UNC80: variants seen among roughly 807,000 people sequenced by gnomAD.
The protein encoded by UNC80 is unc-80 subunit of NALCN channel complex.
Under a neutral mutation model 384.6 loss-of-function variants are expected in UNC80, and 164 were observed. The ratio of observed to expected loss-of-function variants is 0.43; its 90% CI spans 0.38 to 0.49. The LOEUF is 0.49. UNC80 is among the 20% of genes least tolerant of loss of function. The pLI is 0.00. For synonymous variants in UNC80, 1,486 were observed against 1,527.8 expected, an observed-to-expected ratio of 0.97 and a Z score of 0.64; for missense variants, 3,330 against 4,143.0, an observed-to-expected ratio of 0.80 and a Z score of 5.39.
chr2:209,891,464 T>C (rs1201642018), intron 26 of UNC80, among the ~76,000 whole-genome samples: 1 of 152,152 alleles, frequency 6.6e-6, no homozygotes, highest in Non-Finnish European at 1.5e-5. Context: ...TTATTCAAAG[T>C]TATTATGCTA....
At position 209,839,182 on chromosome 2, in the gene UNC80, T is replaced by A. The variant is rs753374373; in HGVS notation, c.3042-40T>A. The A allele has an allele frequency of 6.6e-7, 1 of 1,516,204 alleles. No homozygotes were observed. Among genetic ancestry groups the A allele is most frequent in the Admixed American group, 2.0e-5 (1 of 49,620 alleles). The allele number at this position is 1,516,204 out of a possible 1,614,324, so 93.9% of individuals were successfully genotyped here. A position where few individuals can be genotyped will look rare whatever the true frequency, so the allele number is the denominator to read the frequency against. ...AAGAAATTTAGGAGAATTTCTCAAG[T>A]GTTGTCAGAAGTTTAACCCTATCCT... On this transcript the variant is annotated intron_variant, in intron 18 of 64. Transcript: ENST00000673920. The surrounding 1 kb of genome is among the most constrained non-coding windows in gnomAD (Gnocchi z 4.1).
At position 209,970,927 on chromosome 2, in the gene UNC80, T is replaced by C. The variant is rs1406351624; in HGVS notation, c.8226T>C (p.Ala2742=). ...CACCACCTCTGCCCTTCAGCACAGC[T>C]GTTGTCCGGCTTGTAGCATTGCAGA... ...YLSPPLPFST[A]VVRLVALQIQ... is the part of the protein sequence containing the mutation. Residue 2742 remains alanine (A), a synonymous_variant, in exon 54 of 65, where the codon GCT becomes GCC. Transcript: ENST00000673920. 7 of 1,552,014 alleles carry C rather than the reference T, an allele frequency of 4.5e-6. No individual in the cohort carries two copies. The highest frequency in any genetic ancestry group is 5.2e-6 in the Non-Finnish European group (6 of 1,147,028).
At chr2:209,832,911 G>A (rs1216161460) in intron 16 of UNC80, among the ~76,000 whole-genome samples, 2 of 152,190 alleles carry the variant, frequency 1.3e-5, no homozygotes, top group Admixed American at 6.5e-5. Flanking sequence ...GTCTTAGGAA[G>A]CATCTAGAGC....
intron 7 of UNC80, chr2:209,809,516 C>A (rs1176315912): frequency 8.9e-7 from 1 of 1,119,378 alleles, no homozygotes; most frequent in Non-Finnish European, 1.4e-6. Context: ...TGCGCTCGAA[C>A]CTTCTCCCGA....
chr2:209,801,644 G>C (rs945114881), intron 7 of UNC80, among the ~76,000 whole-genome samples: 2 of 145,188 alleles, frequency 1.4e-5, no homozygotes, highest in African/African-American at 5.1e-5. Context: ...GCCTCCCAAA[G>C]TGCTGGGATT....
chr2:209,898,037 T>A (rs1294419199), intron 28 of UNC80, among the ~76,000 whole-genome samples: 2 of 152,176 alleles, frequency 1.3e-5, no homozygotes, highest in African/African-American at 2.4e-5. Flanking sequence ...TCTGTTAAGA[T>A]CATTTTAAAT....
chr2:209,868,213 A>G (rs2083997765), intron 22 of UNC80, among the ~76,000 whole-genome samples: 1 of 152,166 alleles, frequency 6.6e-6, no homozygotes, highest in Non-Finnish European at 1.5e-5. Flanking sequence ...GCCTACTAAG[A>G]CCCCAAATAA....
Position 209,976,373 on chromosome 2 carries a change from AATAT to A in UNC80, c.8772+71_8772+74del. ...ATGTGTGGCTCTCTACTGAGGCAGGAATATGGCAGGAGTGCTCATGGTACCTACT... is the reference window on the plus strand; with the variant it reads ...ATGTGTGGCTCTCTACTGAGGCAGGAGGCAGGAGTGCTCATGGTACCTACT... On this transcript the variant is annotated intron_variant, in intron 57 of 64. Coordinates refer to ENST00000673920, the MANE Select transcript of UNC80 (RefSeq NM_001371986.1). This position sits in a 1 kb window ranked among gnomAD's most constrained non-coding sequence, Gnocchi z 4.3. The A allele has an allele frequency of 6.5e-7, 1 of 1,543,274 alleles. No homozygotes were observed. Among genetic ancestry groups the A allele is most frequent in the Non-Finnish European group, 8.8e-7 (1 of 1,140,392 alleles).
chr2:209,878,468 G>T (rs1395615514), intron 24 of UNC80, among the ~76,000 whole-genome samples: 1 of 151,896 alleles, frequency 6.6e-6, no homozygotes, highest in Non-Finnish European at 1.5e-5. Context: ...TATTGCTCCA[G>T]GAAACAAAAT....
chr2:209,977,943 C>T (rs1420497507), intron 58 of UNC80, among the ~76,000 whole-genome samples: 1 of 152,086 alleles, frequency 6.6e-6, no homozygotes, highest in Non-Finnish European at 1.5e-5. Context: ...TCTTTGCAGA[C>T]AATGTGGTAA....
intron 25 of UNC80, among the ~76,000 whole-genome samples, chr2:209,882,178 G>A (rs902823708): frequency 2.0e-5 from 3 of 151,890 alleles, no homozygotes; most frequent in African/African-American, 7.3e-5. Context: ...ATGTTAGCCG[G>A]GATGGTCTCG....
chr2:209,823,703 AG>A (rs1335589153), intron 13 of UNC80, among the ~76,000 whole-genome samples: 1 of 151,798 alleles, frequency 6.6e-6, no homozygotes, highest in East Asian at 1.9e-4. Context: ...AATAATAATT[AG>A]TTTTTCTATT....
rs75369307 is a variant in UNC80 at position 209,959,904 on chromosome 2, G to A, written c.7805+197G>A. Among the ~76,000 whole-genome samples, 53 of 152,292 alleles carry A rather than the reference G, an allele frequency of 3.5e-4. 1 individual carries two copies. The East Asian group carries it at 9.2e-3, about 27-fold the overall frequency. On this transcript the variant is annotated intron_variant, in intron 51 of 64. Coordinates refer to ENST00000673920, the MANE Select transcript of UNC80 (RefSeq NM_001371986.1). The stretch of plus-strand genomic sequence containing the variant: ...TAAGTCCATCAAACAGGATCTTAGC[G>A]TGGACAAGGGGAAAATGTTCTTAAG...
chr2:209,822,311 G>C (rs1384365218), intron 13 of UNC80, among the ~76,000 whole-genome samples: 1 of 152,158 alleles, frequency 6.6e-6, no homozygotes, highest in Admixed American at 6.5e-5. Flanking sequence ...GACTGTAAAT[G>C]AAAATTATCT....
intron 58 of UNC80, among the ~76,000 whole-genome samples, chr2:209,977,760 A>G (rs758609158): frequency 6.6e-6 from 1 of 152,198 alleles, no homozygotes; most frequent in Non-Finnish European, 1.5e-5. Context: ...TTGAGAGTAC[A>G]TTGCTTTCTT....
chr2:209,926,720 G>A, intron 35 of UNC80, 123 bp from the exon 36 acceptor site: 1 of 1,220,060 alleles, frequency 8.2e-7, no homozygotes, highest in Non-Finnish European at 1.1e-6. Context: ...AGGCTGCAGT[G>A]AGCAGTGATC....
rs1575125329 is a variant in UNC80 at position 209,953,024 on chromosome 2, T to C, written c.7287-1076T>C. On this transcript the variant is annotated intron_variant, in intron 47 of 64. Coordinates refer to ENST00000673920, the MANE Select transcript of UNC80 (RefSeq NM_001371986.1). ...TGGTATCTGTAAGAAAAAGAATAGATCAAAGAAAATCTTGATTTCAGATTC... is the reference window on the plus strand; with the variant it reads ...TGGTATCTGTAAGAAAAAGAATAGACCAAAGAAAATCTTGATTTCAGATTC... Among the ~76,000 whole-genome samples the C allele has an allele frequency of 4.6e-5, 7 of 152,220 alleles. No homozygotes were observed. In the South Asian group the frequency reaches 1.5e-3, roughly 32 times the overall value.
At chr2:209,982,522 C>A (rs981224450) in intron 60 of UNC80, 4 of 509,738 alleles carry the variant, frequency 7.8e-6, no homozygotes, top group Middle Eastern at 5.4e-4. Flanking sequence ...GAAGGGATCC[C>A]AATTTCCAAG....
chr2:209,972,379 G>C, intron 55 of UNC80, 55 bp downstream of exon 55: 1 of 1,535,640 alleles, frequency 6.5e-7, no homozygotes, highest in Non-Finnish European at 8.8e-7. Flanking sequence ...TCTCTTAAAT[G>C]TCAGGCTGTT....
Sources: gnomAD v4.1 joint callset for allele counts (sites outside exome capture counted in the v4.1 genomes callset) on GRCh38, gnomAD v4.1.1 for gene constraint, Gnocchi (gnomAD v3.1) non-coding constraint, MANE v1.5 for transcripts, NCBI Gene and HGNC (gene_info 2026-07-23, HGNC 2026-07-21) for gene names.